Variants in SPAG17 observed in about 807,000 individuals in gnomAD.
SPAG17 encodes the protein sperm-associated antigen 17.
A neutral mutation model predicts 273.6 loss-of-function variants in SPAG17; 169 were observed. The observed-to-expected ratio is 0.62, with a 90% confidence interval of 0.55 to 0.70. SPAG17 has a LOEUF of 0.70. SPAG17 is among the 30% of genes least tolerant of loss of function. SPAG17 has a pLI of 0.00. For missense variants in SPAG17, 2,557 were observed against 2,627.8 expected (o/e 0.97, Z 0.59); for synonymous variants, 825 against 873.2 (o/e 0.94, Z 0.97).
intron 8 of SPAG17, 112 bp downstream of exon 8, chr1:118,093,044 T>A: frequency 1.7e-6 from 2 of 1,147,210 alleles, no homozygotes; most frequent in East Asian, 2.4e-5. Context: ...GTAGGCAGTA[T>A]GACCTTAATG....
intron 3 of SPAG17, among the ~76,000 whole-genome samples, chr1:118,121,024 T>C (rs1657391334): frequency 6.6e-6 from 1 of 152,144 alleles, no homozygotes. Flanking sequence ...GAAATGCCTG[T>C]CTGGCTCTGG....
intron 41 of SPAG17, among the ~76,000 whole-genome samples, 179 bp downstream of exon 41, chr1:117,984,504 A>ATT (rs1160308362): frequency 6.6e-6 from 1 of 152,194 alleles, no homozygotes; most frequent in Non-Finnish European, 1.5e-5. Flanking sequence ...AAGGCCTGAA[A>ATT]TTAGTCTTCC....
chr1:117,960,109 CGTGTGTGTGTGTGT>C (rs3059173), intron 48 of SPAG17: 4 of 144,504 alleles, frequency 2.8e-5, no homozygotes, highest in East Asian at 4.2e-4. Flanking sequence ...TTAATACACT[CGTGTGTGTGTGTGT>C]GTGTGTGTGT....
intron 1 of SPAG17, among the ~76,000 whole-genome samples, chr1:118,163,197 G>A (rs1440315279): frequency 6.6e-6 from 1 of 152,156 alleles, no homozygotes; most frequent in African/African-American, 2.4e-5. Flanking sequence ...GAAAAAAAGT[G>A]TCTGCTCTCA....
At chr1:118,132,288 A>G (rs2102300214) in intron 3 of SPAG17, among the ~76,000 whole-genome samples, 1 of 152,192 alleles carries the variant, frequency 6.6e-6, no homozygotes, top group African/African-American at 2.4e-5. Flanking sequence ...AGGAAGAAGG[A>G]CTGAGGCCAG....
intron 4 of SPAG17, among the ~76,000 whole-genome samples, chr1:118,114,616 C>A (rs1656961873): frequency 6.6e-6 from 1 of 152,172 alleles, no homozygotes; most frequent in Non-Finnish European, 1.5e-5. Flanking sequence ...GCTTTCCAAA[C>A]ATAATTCAGC....
chr1:118,028,230 C>T, intron 26 of SPAG17, 44 bp downstream of exon 26: 8 of 1,572,448 alleles, frequency 5.1e-6, no homozygotes, highest in Non-Finnish European at 6.9e-6. Flanking sequence ...TTCTACGTGA[C>T]ATTTTGCTCC....
intron 19 of SPAG17, 151 bp downstream of exon 19, chr1:118,055,582 C>A: frequency 1.6e-6 from 1 of 619,262 alleles, no homozygotes. Flanking sequence ...TGGAATGCAG[C>A]TACTCTATTT....
chr1:118,105,131 C>A (rs1656309463), intron 4 of SPAG17, among the ~76,000 whole-genome samples: 1 of 151,904 alleles, frequency 6.6e-6, no homozygotes, highest in Non-Finnish European at 1.5e-5. Context: ...AGGCTGGGTG[C>A]CAGAAACAGA....
At chr1:118,010,092 T>C (rs569721196) in intron 30 of SPAG17, among the ~76,000 whole-genome samples, 3 of 152,062 alleles carry the variant, frequency 2.0e-5, no homozygotes, top group South Asian at 2.1e-4. Context: ...GGGTGAGGAA[T>C]TGGGGAGATG....
chr1:118,148,963 G>A (rs1378007988), intron 3 of SPAG17, among the ~76,000 whole-genome samples: 1 of 152,112 alleles, frequency 6.6e-6, no homozygotes, highest in Non-Finnish European at 1.5e-5. Context: ...ACCTGTCCTT[G>A]GCTGATGCTG....
rs587783068 is a variant in SPAG17, at chr1:118,008,186, C to T, written c.4445G>A (p.Arg1482Gln). 5.0e-6 allele frequency: 8 copies of T among 1,613,626 alleles called. No individual in the cohort carries two copies. The highest frequency in any genetic ancestry group is 2.2e-5 in the East Asian group (1 of 44,812). Reference protein sequence around the residue: ...PDDQETTEGPRTVTRQVKCMR... With the variant: ...PDDQETTEGPQTVTRQVKCMR... ...ACACTTCACCTGCCTGGTGACAGTC[C>T]GAGGACCCTCGGCTACAAGCAAATG... The change falls in exon 31 of 49, where the codon CGG (arginine) becomes CAG (glutamine). Residue 1482 changes from arginine to glutamine, a missense_variant. Coordinates refer to ENST00000336338, the MANE Select transcript of SPAG17 (RefSeq NM_206996.4).
intron 32 of SPAG17, among the ~76,000 whole-genome samples, chr1:118,002,816 C>A (rs919781717): frequency 2.6e-5 from 4 of 152,128 alleles, no homozygotes; most frequent in African/African-American, 9.7e-5. Context: ...GGGCATTTAG[C>A]CCATTTACAT....
intron 3 of SPAG17, among the ~76,000 whole-genome samples, chr1:118,144,412 C>A (rs1419562401): frequency 6.6e-6 from 1 of 152,196 alleles, no homozygotes; most frequent in African/African-American, 2.4e-5. Context: ...ATTACTATTT[C>A]TCCTCTTCTT....
intron 1 of SPAG17, among the ~76,000 whole-genome samples, chr1:118,162,233 T>A (rs1659963978): frequency 1.3e-5 from 2 of 152,096 alleles, no homozygotes; most frequent in African/African-American, 4.8e-5. Context: ...CTCATATTGA[T>A]TCCCTAATAG....
intron 30 of SPAG17, among the ~76,000 whole-genome samples, chr1:118,011,844 T>C (rs1182075140): frequency 6.6e-6 from 1 of 152,020 alleles, no homozygotes; most frequent in African/African-American, 2.4e-5. Context: ...TCTAAGAAAG[T>C]AGACAGATTT....
At chr1:118,023,765 T>C (rs1647391082) in intron 27 of SPAG17, among the ~76,000 whole-genome samples, 1 of 152,230 alleles carries the variant, frequency 6.6e-6, no homozygotes, top group Admixed American at 6.5e-5. Context: ...TTTTCCATTC[T>C]TCACCTTTCT....
At chr1:118,063,115 C>A (rs1244268637) in intron 18 of SPAG17, among the ~76,000 whole-genome samples, 2 of 152,190 alleles carry the variant, frequency 1.3e-5, no homozygotes, top group African/African-American at 4.8e-5. Flanking sequence ...ACATTCCATG[C>A]TCATGGATAC....
chr1:118,015,995 G>C lies in SPAG17; in HGVS notation c.4257C>G (p.Ser1419=), dbSNP rs149588003. ...CATTGACAGGATCTGTGGCCTGAAA[G>C]GATAACAATGGGGTCAAGTCTGCTA... ...ERIADLTPLL[S]FQATDPVNGT... is the part of the protein sequence containing the mutation. Residue 1419 remains serine (S), a synonymous_variant, in exon 29 of 49, where the codon TCC becomes TCG. Coordinates refer to ENST00000336338, the MANE Select transcript of SPAG17 (RefSeq NM_206996.4). 2.5e-5 allele frequency: 40 copies of C among 1,613,868 alleles called. No individual in the cohort carries two copies. The highest frequency in any genetic ancestry group is 3.4e-5 in the Non-Finnish European group (40 of 1,179,930).
Sources: gnomAD v4.1 joint callset for allele counts (sites outside exome capture counted in the v4.1 genomes callset) on GRCh38, gnomAD v4.1.1 for gene constraint, MANE v1.5 for transcripts, NCBI Gene and HGNC (gene_info 2026-07-23, HGNC 2026-07-21) for gene names.